Variants in UPP2 observed in about 807,000 individuals in gnomAD.
The protein encoded by UPP2 is UPase 2.
In UPP2, 23 loss-of-function variants were observed where a neutral mutation model predicts 26.7. The observed-to-expected ratio is 0.86, with a 90% CI of 0.62 to 1.22. UPP2 has a LOEUF of 1.22. UPP2 is among the 50% of genes most tolerant of loss of function. The pLI is 0.00. For synonymous variants in UPP2, 127 were observed against 141.3 expected (o/e 0.90, Z 0.72); for missense variants, 387 against 396.7 (o/e 0.98, Z 0.21).
At chr2:158,121,729 G>T in intron 5 of UPP2, 111 bp downstream of exon 5, 1 of 1,006,776 alleles carries the variant, frequency 9.9e-7, no homozygotes, top group Non-Finnish European at 1.5e-6. Context: ...AATATTTGTG[G>T]GTTAAAAAGG....
chr2:158,098,175 T>C (rs1683016379), upstream of UPP2, among the ~76,000 whole-genome samples: 1 of 151,650 alleles, frequency 6.6e-6, no homozygotes, highest in Non-Finnish European at 1.5e-5. Context: ...ACAAAGAGGG[T>C]CTCCTCTTTT....
At chr2:158,059,361 T>C (rs922177854) in intron 3 of UPP2, among the ~76,000 whole-genome samples, 2 of 152,202 alleles carry the variant, frequency 1.3e-5, no homozygotes, top group African/African-American at 4.8e-5. Flanking sequence ...GCCTTTCAAA[T>C]TATATGGCCA....
chr2:158,124,318 T>C (rs1239018110), intron 6 of UPP2, among the ~76,000 whole-genome samples: 1 of 152,122 alleles, frequency 6.6e-6, no homozygotes, highest in East Asian at 1.9e-4. Context: ...GGGAAGAGCA[T>C]TCTGTTCAAT....
intron 3 of UPP2, among the ~76,000 whole-genome samples, chr2:158,052,005 T>A (rs1682167768): frequency 6.6e-6 from 1 of 152,196 alleles, no homozygotes. Flanking sequence ...AATACCCTGC[T>A]ACCCACAGTG....
chr2:158,066,569 C>T (rs1288327489), intron 3 of UPP2, among the ~76,000 whole-genome samples: 3 of 151,952 alleles, frequency 2.0e-5, no homozygotes, highest in Non-Finnish European at 4.4e-5. Flanking sequence ...TGCCTGCTCA[C>T]TCCATGTTTT....
At chr2:158,134,625 T>C in intron 6 of UPP2, 123 bp from the exon 7 acceptor site, 2 of 1,247,134 alleles carry the variant, frequency 1.6e-6, no homozygotes, top group Non-Finnish European at 2.1e-6. Context: ...GCATCTACAT[T>C]ACAACAACAA....
chr2:158,034,370 C>T (rs1012043425), intron 3 of UPP2, among the ~76,000 whole-genome samples: 3 of 152,186 alleles, frequency 2.0e-5, no homozygotes, highest in Non-Finnish European at 2.9e-5. Context: ...CTGGCTCCTT[C>T]GACCTCACAC....
At chr2:158,113,720 C>T (rs1261646958) in intron 2 of UPP2, among the ~76,000 whole-genome samples, 1 of 152,168 alleles carries the variant, frequency 6.6e-6, no homozygotes, top group Non-Finnish European at 1.5e-5. Flanking sequence ...TTAGGTATTT[C>T]GTTAGACAGA....
At chr2:158,098,423 G>T (rs554124120), upstream of UPP2, among the ~76,000 whole-genome samples, 2 of 152,138 alleles carry the variant, frequency 1.3e-5, no homozygotes. Context: ...AAGATGGTGA[G>T]GGGGAGGGCC....
chr2:158,118,364 T>C (rs1010099434), intron 4 of UPP2, among the ~76,000 whole-genome samples: 1 of 151,986 alleles, frequency 6.6e-6, no homozygotes, highest in East Asian at 1.9e-4. Context: ...AAAACATTGC[T>C]TTTTGCTCAC....
chr2:158,019,835 T>TTA (rs1683721476), intron 3 of UPP2, among the ~76,000 whole-genome samples: 1 of 152,084 alleles, frequency 6.6e-6, no homozygotes, highest in Non-Finnish European at 1.5e-5. Flanking sequence ...ATGCAGGAGT[T>TTA]TTTTAGAGTG....
chr2:158,054,194 G>A (rs936597304), intron 3 of UPP2, among the ~76,000 whole-genome samples: 1 of 152,084 alleles, frequency 6.6e-6, no homozygotes, highest in Non-Finnish European at 1.5e-5. Context: ...CCTGGGGGAG[G>A]TTGCAATGAG....
At chr2:158,072,996 A>C (rs1162381074) in intron 3 of UPP2, among the ~76,000 whole-genome samples, 1 of 152,188 alleles carries the variant, frequency 6.6e-6, no homozygotes, top group Non-Finnish European at 1.5e-5. Flanking sequence ...GGTACCATGG[A>C]CCAATCCTGG....
chr2:158,099,970 G>T (rs1328241010), upstream of UPP2, among the ~76,000 whole-genome samples: 9 of 152,138 alleles, frequency 5.9e-5, no homozygotes, highest in Non-Finnish European at 1.3e-4. Context: ...GTCTGAGTTT[G>T]CCTTGTGCAC....
chr2:158,092,328 G>A (rs1043669657), intron 3 of UPP2, among the ~76,000 whole-genome samples: 1 of 152,140 alleles, frequency 6.6e-6, no homozygotes. Flanking sequence ...AGGATATAAA[G>A]AGAAAATCTA....
chr2:158,035,267 C>T (rs1683982915), intron 3 of UPP2, among the ~76,000 whole-genome samples: 1 of 151,832 alleles, frequency 6.6e-6, no homozygotes, highest in Admixed American at 6.6e-5. Context: ...AAGCGATTCT[C>T]CTGCCTCAGC....
chr2:158,063,486 G>T (rs1166379721), intron 3 of UPP2, among the ~76,000 whole-genome samples: 1 of 152,120 alleles, frequency 6.6e-6, no homozygotes, highest in Non-Finnish European at 1.5e-5. Flanking sequence ...GTTCCCACTG[G>T]CTGCTTGCAA....
chr2:158,011,044 T>G (rs2105141008), intron 2 of UPP2, among the ~76,000 whole-genome samples: 1 of 152,148 alleles, frequency 6.6e-6, no homozygotes, highest in East Asian at 1.9e-4. Context: ...GGATTACAGG[T>G]GTGAGCCACA....
Position 158,025,553 on chromosome 2 carries a change from G to A in UPP2, c.147+9667G>A, listed in dbSNP as rs964263571. Reference sequence around the variant, plus strand: ...CCCTGCCTCAAGCCTCCGGGAGGCCGAGCCACTGGCAAGGTCACTGCCAGC... The same window carrying A: ...CCCTGCCTCAAGCCTCCGGGAGGCCAAGCCACTGGCAAGGTCACTGCCAGC... On this transcript the variant is annotated intron_variant, in intron 3 of 9. Coordinates refer to the UPP2 transcript ENST00000605860. Among the ~76,000 whole-genome samples the A allele has an allele frequency of 4.7e-4, 72 of 152,208 alleles. 3 individuals are homozygous for A. The highest frequency in any genetic ancestry group is 9.8e-4 in the Non-Finnish European group (67 of 68,042).
Sources: gnomAD v4.1 joint callset for allele counts (sites outside exome capture counted in the v4.1 genomes callset) on GRCh38, gnomAD v4.1.1 for gene constraint, MANE v1.5 for transcripts, NCBI Gene and HGNC (gene_info 2026-07-23, HGNC 2026-07-21) for gene names.